The following CDKL3 variants were observed in gnomAD, a reference collection of about 807,000 sequenced individuals.
The protein encoded by CDKL3 is cyclin-dependent kinase-like 3.
CDKL3 carries 65 observed loss-of-function variants against 69.3 expected under a neutral mutation model. The observed-to-expected ratio is 0.94, with a 90% CI of 0.77 to 1.15. The LOEUF (loss-of-function observed/expected upper bound fraction) is 1.15, where lower values mean the gene tolerates loss of function less well. Ranked by LOEUF, CDKL3 falls within the 50% of genes most tolerant of loss-of-function variation. CDKL3 has a pLI of 0.00. For missense variants in CDKL3, 652 were observed against 689.2 expected (o/e 0.95, Z 0.61); for synonymous variants, 202 against 221.6 (o/e 0.91, Z 0.79).
chr5:134,316,917 A>AT (rs1300978086), intron 6 of CDKL3, among the ~76,000 whole-genome samples: 1 of 151,952 alleles, frequency 6.6e-6, no homozygotes, highest in Non-Finnish European at 1.5e-5. Context: ...GATAATAGTA[A>AT]TTTTTTCTGG....
At chr5:134,316,306 T>C (rs1771045730) in intron 6 of CDKL3, among the ~76,000 whole-genome samples, 1 of 152,094 alleles carries the variant, frequency 6.6e-6, no homozygotes, top group Non-Finnish European at 1.5e-5. Context: ...AGACAAATAC[T>C]AAAAAATTTT....
At chr5:134,319,673 C>G (rs1772214633) in intron 5 of CDKL3, among the ~76,000 whole-genome samples, 176 bp from the exon 6 acceptor site, 1 of 152,130 alleles carries the variant, frequency 6.6e-6, no homozygotes, top group South Asian at 2.1e-4. Flanking sequence ...TCATAAAAAA[C>G]TGAGGTTTCG....
intron 4 of CDKL3, 32 bp downstream of exon 4, chr5:134,350,217 G>C (rs773288606): frequency 6.8e-7 from 1 of 1,467,408 alleles, no homozygotes; most frequent in African/African-American, 1.4e-5. Context: ...AGATACCTAG[G>C]AAAGGCTGAC....
intron 8 of CDKL3, among the ~76,000 whole-genome samples, chr5:134,293,002 C>CT (rs558156596): frequency 0.051 from 2,228 of 43,942 alleles, 373 homozygotes; most frequent in Non-Finnish European, 0.067. Context: ...CTGCCAATTT[C>CT]TTTTTTTTTT....
upstream of CDKL3, chr5:134,371,481 G>C: frequency 7.5e-7 from 1 of 1,331,146 alleles, no homozygotes; most frequent in Non-Finnish European, 1.0e-6. Flanking sequence ...TCTCGGCGGC[G>C]GCGGCGGCGG....
At chr5:134,369,585 G>GT (rs1238715383), upstream of CDKL3, among the ~76,000 whole-genome samples, 5 of 103,596 alleles carry the variant, frequency 4.8e-5, no homozygotes, top group Non-Finnish European at 1.2e-4. Flanking sequence ...AATTACAAGG[G>GT]TTTTTTTGGT....
At chr5:134,359,444 TC>T (rs1434796489) in intron 3 of CDKL3, among the ~76,000 whole-genome samples, 1 of 152,162 alleles carries the variant, frequency 6.6e-6, no homozygotes. Flanking sequence ...CTCAAACCGC[TC>T]CGCCACTTTA....
At chr5:134,312,409 G>C in intron 6 of CDKL3, 29 bp from the exon 7 acceptor site, 1 of 1,319,426 alleles carries the variant, frequency 7.6e-7, no homozygotes, top group South Asian at 1.3e-5. Flanking sequence ...TTTAATAAGT[G>C]AGCTCTCAAC....
chr5:134,326,206 G>T (rs1416147669), intron 4 of CDKL3, among the ~76,000 whole-genome samples: 1 of 152,056 alleles, frequency 6.6e-6, no homozygotes, highest in Non-Finnish European at 1.5e-5. Context: ...AAATTTCACA[G>T]TACAATTTAG....
intron 4 of CDKL3, among the ~76,000 whole-genome samples, chr5:134,335,788 C>T (rs190526064): frequency 6.6e-6 from 1 of 152,106 alleles, no homozygotes; most frequent in African/African-American, 2.4e-5. Flanking sequence ...GTGAATCTGA[C>T]AATTATGTGT....
chr5:134,344,005 A>G (rs1751191935), intron 4 of CDKL3, among the ~76,000 whole-genome samples: 1 of 152,200 alleles, frequency 6.6e-6, no homozygotes, highest in Non-Finnish European at 1.5e-5. Flanking sequence ...ACTTACATCT[A>G]TAGTCAACTG....
At chr5:134,363,049 T>C (rs1044078841) in intron 2 of CDKL3, among the ~76,000 whole-genome samples, 1 of 152,206 alleles carries the variant, frequency 6.6e-6, no homozygotes, top group Non-Finnish European at 1.5e-5. Context: ...TATTGTCACA[T>C]ACTGGTTAGT....
upstream of CDKL3, among the ~76,000 whole-genome samples, chr5:134,369,394 T>G (rs1758094138): frequency 6.6e-6 from 1 of 152,164 alleles, no homozygotes; most frequent in East Asian, 1.9e-4. Context: ...TCTGAGCACT[T>G]TTGTATCCAT....
intron 4 of CDKL3, among the ~76,000 whole-genome samples, chr5:134,333,114 G>A (rs1162346356): frequency 6.6e-6 from 1 of 151,974 alleles, no homozygotes; most frequent in African/African-American, 2.4e-5. Context: ...TTGGTGTATA[G>A]AAATGCTTGT....
At chr5:134,301,299 A>G (rs963606760) in intron 12 of CDKL3, among the ~76,000 whole-genome samples, 8 of 152,054 alleles carry the variant, frequency 5.3e-5, no homozygotes, top group Non-Finnish European at 1.2e-4. Context: ...TGCCCGGCCT[A>G]ATGGCATTCT....
intron 6 of CDKL3, among the ~76,000 whole-genome samples, chr5:134,316,727 C>T (rs1433961837): frequency 6.6e-6 from 1 of 152,108 alleles, no homozygotes; most frequent in Non-Finnish European, 1.5e-5. Flanking sequence ...AAATACTACG[C>T]AATCACTGAA....
At chr5:134,357,039 C>T (rs1754779001) in intron 3 of CDKL3, among the ~76,000 whole-genome samples, 1 of 151,920 alleles carries the variant, frequency 6.6e-6, no homozygotes, top group Non-Finnish European at 1.5e-5. Context: ...CTTATTGTAC[C>T]ATCTGTCTAA....
intron 10 of CDKL3, 30 bp downstream of exon 10, chr5:134,306,579 C>T (rs1767895534): frequency 8.2e-7 from 1 of 1,221,138 alleles, no homozygotes. Flanking sequence ...TAAAAGAGGC[C>T]ATATTTTAAT....
At chr5:134,340,175 A>G (rs976381232) in intron 4 of CDKL3, among the ~76,000 whole-genome samples, 3 of 152,090 alleles carry the variant, frequency 2.0e-5, no homozygotes, top group Non-Finnish European at 2.9e-5. Flanking sequence ...AGAAAAAGAA[A>G]ATCCTTTGAG....
Sources: allele counts gnomAD v4.1 joint callset (sites outside exome capture counted in the v4.1 genomes callset), GRCh38; gene constraint gnomAD v4.1.1; transcripts MANE v1.5; gene names NCBI Gene and HGNC (gene_info 2026-07-23, HGNC 2026-07-21).